The following PLCG2 variants were observed in gnomAD, a reference collection of about 807,000 sequenced individuals.
The protein encoded by PLCG2 is phospholipase C gamma 2, also known as 1-phosphatidylinositol 4,5-bisphosphate phosphodiesterase gamma-2.
PLCG2 carries 69 observed loss-of-function variants against 175.6 expected under a neutral mutation model. That is an observed-to-expected ratio of 0.39 (90% CI 0.32 to 0.48). The LOEUF is 0.48. Among genes scored for constraint, PLCG2 ranks in the 20% least tolerant of loss-of-function variants. The pLI is 0.91. For missense variants in PLCG2, 1,798 were observed against 1,650.9 expected (o/e 1.09, Z -1.54); for synonymous variants, 827 against 624.0 (o/e 1.33, Z -4.85).
chr16:81,870,992 A>C, intron 7 of PLCG2, 57 bp downstream of exon 7: 1 of 956,384 alleles, frequency 1.0e-6, no homozygotes, highest in Non-Finnish European at 1.6e-6. Flanking sequence ...ATGTATTTCC[A>C]AGTCTGGCAT....
At chr16:81,826,367 A>T (rs986102954) in intron 2 of PLCG2, among the ~76,000 whole-genome samples, 2 of 152,084 alleles carry the variant, frequency 1.3e-5, no homozygotes, top group African/African-American at 4.8e-5. Flanking sequence ...GTGCAGTAGG[A>T]GGTCAGTGTA....
intron 5 of PLCG2, among the ~76,000 whole-genome samples, chr16:81,867,280 T>G (rs1056074837): frequency 2.0e-5 from 3 of 152,206 alleles, no homozygotes; most frequent in African/African-American, 7.2e-5. Context: ...GCGAGCTTCC[T>G]CTCTTGACCA....
intron 7 of PLCG2, among the ~76,000 whole-genome samples, chr16:81,877,177 G>T (rs770623769): frequency 1.3e-5 from 2 of 152,306 alleles, no homozygotes; most frequent in Non-Finnish European, 2.9e-5. Flanking sequence ...CAGAAGTGTC[G>T]GGCACGGTGG....
At chr16:81,818,069 G>A (rs1011609877) in intron 2 of PLCG2, among the ~76,000 whole-genome samples, 1 of 152,272 alleles carries the variant, frequency 6.6e-6, no homozygotes, top group African/African-American at 2.4e-5. Context: ...CCTCTCTGTC[G>A]GCTCGTGTCC....
At chr16:81,862,055 T>C (rs1419030133) in intron 5 of PLCG2, among the ~76,000 whole-genome samples, 1 of 152,224 alleles carries the variant, frequency 6.6e-6, no homozygotes, top group Non-Finnish European at 1.5e-5. Context: ...CTGGGAAGCC[T>C]GGAGGGAGCT....
chr16:81,929,087 C>G (rs996806282), intron 24 of PLCG2, among the ~76,000 whole-genome samples: 1 of 152,186 alleles, frequency 6.6e-6, no homozygotes, highest in Non-Finnish European at 1.5e-5. Context: ...GGCTGGGGCC[C>G]AGGAAACCCA....
chr16:81,936,586 A>C (rs1333173954), intron 27 of PLCG2, among the ~76,000 whole-genome samples: 1 of 152,172 alleles, frequency 6.6e-6, no homozygotes, highest in African/African-American at 2.4e-5. Context: ...TGGCTTACGC[A>C]GGCTTCGTGA....
At chr16:81,891,946 C>G (rs74448193) in intron 11 of PLCG2, among the ~76,000 whole-genome samples, 2,560 of 152,284 alleles carry the variant, frequency 0.017, 67 homozygotes, top group African/African-American at 0.058. Context: ...ATTGAATTGA[C>G]TTATAGGGAG....
intron 2 of PLCG2, among the ~76,000 whole-genome samples, chr16:81,770,117 T>A (rs1910245196): frequency 6.6e-6 from 1 of 152,170 alleles, no homozygotes; most frequent in African/African-American, 2.4e-5. Context: ...CCTTATATTT[T>A]AATTTTTATT....
At chr16:81,856,236 A>G (rs1906675167) in intron 3 of PLCG2, among the ~76,000 whole-genome samples, 1 of 152,144 alleles carries the variant, frequency 6.6e-6, no homozygotes, top group Non-Finnish European at 1.5e-5. Flanking sequence ...CCATGGGTGT[A>G]CGGACTGATA....
intron 2 of PLCG2, among the ~76,000 whole-genome samples, chr16:81,823,805 C>T (rs923967386): frequency 6.6e-6 from 1 of 151,936 alleles, no homozygotes; most frequent in Admixed American, 6.6e-5. Flanking sequence ...GCTGGGATTC[C>T]AGGCATGAAC....
chr16:81,870,967 A>G (rs779179469), intron 7 of PLCG2, 32 bp downstream of exon 7: 2 of 1,205,290 alleles, frequency 1.7e-6, no homozygotes, highest in East Asian at 2.4e-5. Context: ...TGATCAAGTG[A>G]TGTTTCTGTT....
chr16:81,933,667 A>T (rs1010940289), intron 25 of PLCG2, among the ~76,000 whole-genome samples: 5 of 151,492 alleles, frequency 3.3e-5, no homozygotes, highest in Non-Finnish European at 4.4e-5. Flanking sequence ...CAGGGTGTGG[A>T]TTGACTTAGG....
Position 81,912,624 on chromosome 16 carries a change from A to C in PLCG2, c.1962A>C (p.Gly654=). 9 of 1,613,018 alleles carry C rather than the reference A, an allele frequency of 5.6e-6. No homozygotes were observed. The highest frequency in any genetic ancestry group is 7.6e-6 in the Non-Finnish European group (9 of 1,179,742). The change falls in exon 19 of 33, where the codon GGA becomes GGC. Residue 654 remains glycine (G), a synonymous_variant. Transcript: ENST00000564138. ...KPWYYDSLSR[G]EAEDMLMRIP... ...GGTACTATGACAGCCTGAGCCGCGG[A>C]GAGGCAGAGGACATGCTGATGAGGA...
chr16:81,805,616 T>C (rs1911968930), intron 2 of PLCG2, among the ~76,000 whole-genome samples: 1 of 150,938 alleles, frequency 6.6e-6, no homozygotes, highest in Non-Finnish European at 1.5e-5. Context: ...AACAGATGCC[T>C]CACACCCCCT....
chr16:81,888,279 C>T (rs888797092), intron 9 of PLCG2, among the ~76,000 whole-genome samples: 1 of 152,082 alleles, frequency 6.6e-6, no homozygotes, highest in Non-Finnish European at 1.5e-5. Flanking sequence ...GGTACAACCT[C>T]GGTTCATTGC....
At chr16:81,948,153 G>A (rs1249345153) in intron 31 of PLCG2, among the ~76,000 whole-genome samples, 1 of 152,048 alleles carries the variant, frequency 6.6e-6, no homozygotes, top group African/African-American at 2.4e-5. Context: ...TAGATATTTA[G>A]CAATGGAATA....
At chr16:81,908,888 C>G (rs1016034584) in intron 17 of PLCG2, among the ~76,000 whole-genome samples, 1 of 152,232 alleles carries the variant, frequency 6.6e-6, no homozygotes, top group Non-Finnish European at 1.5e-5. Flanking sequence ...TGACCCTACT[C>G]TTAGATGATG....
At chr16:81,760,234 G>C (rs1237182897) in intron 2 of PLCG2, among the ~76,000 whole-genome samples, 2 of 152,178 alleles carry the variant, frequency 1.3e-5, no homozygotes, top group East Asian at 1.9e-4. Context: ...CAGAAACAAA[G>C]CACAACCACA....
Sources: allele counts gnomAD v4.1 joint callset (sites outside exome capture counted in the v4.1 genomes callset), GRCh38; gene constraint gnomAD v4.1.1; transcripts MANE v1.5; gene names NCBI Gene and HGNC (gene_info 2026-07-23, HGNC 2026-07-21).